ONECUT1: variants seen among roughly 807,000 people sequenced by gnomAD.
ONECUT1 encodes the protein one cut homeobox 1.
In ONECUT1, 12 loss-of-function variants were observed where a neutral mutation model predicts 25.6. The ratio of observed to expected loss-of-function variants is 0.47; its 90% CI spans 0.30 to 0.76. ONECUT1 has a LOEUF of 0.76. Ranked by LOEUF, ONECUT1 falls within the 30% of genes least tolerant of loss-of-function variation. The pLI, the probability that ONECUT1 is intolerant of heterozygous loss-of-function variation, is 0.07. For synonymous variants in ONECUT1, 285 were observed against 270.2 expected, an observed-to-expected ratio of 1.05 and a Z score of -0.54; for missense variants, 620 against 651.2, an observed-to-expected ratio of 0.95 and a Z score of 0.52.
chr15:52,789,566 T>G lies in ONECUT1; in HGVS notation c.319A>C (p.Thr107Pro), dbSNP rs2083904082. Residue 107 changes from threonine to proline, a missense_variant, in exon 1 of 2, where the codon ACC becomes CCC. Thr to Pro is a conservative substitution (Grantham distance 38). Coordinates refer to ENST00000305901, the MANE Select transcript of ONECUT1 (RefSeq NM_004498.4). This position sits in a 1 kb window ranked among gnomAD's most constrained non-coding sequence, Gnocchi z 4.1. ...ATGGGAGGCAGCGGCTGCAGAGGGGTCAAGGTGGTGTAGGTGGTGGGCATG... is the reference window on the plus strand; with the variant it reads ...ATGGGAGGCAGCGGCTGCAGAGGGGGCAAGGTGGTGTAGGTGGTGGGCATG... ...MSMPTTYTTL[T>P]PLQPLPPIST... is the part of the protein sequence containing the mutation. 6.3e-7 allele frequency: 1 copy of G among 1,590,710 alleles called. No homozygotes were observed. The highest frequency in any genetic ancestry group is 8.6e-7 in the Non-Finnish European group (1 of 1,167,248).
Position 52,757,180 on chromosome 15 carries a change from AC to A in ONECUT1, c.*374del, listed in dbSNP as rs2083677922. 2.4e-5 allele frequency: 5 copies of A among 210,104 alleles called. No homozygotes were observed. The South Asian group carries it at 3.3e-4, about 14-fold the overall frequency. The allele number at this position is 210,104 out of a possible 1,614,324, so 13.0% of individuals were successfully genotyped here. On this transcript the variant is annotated 3_prime_UTR_variant, in exon 2 of 2. Transcript: ENST00000305901. ...TGGTGGTAGTACTGAGACACCATAC[AC>A]CTTCGTGGCATGGTAGAACAGATGA...
chr15:52,789,747 G>A lies in ONECUT1; in HGVS notation c.138C>T (p.Pro46=). 1.4e-6 allele frequency: 2 copies of A among 1,410,932 alleles called. No homozygotes were observed. The highest frequency in any genetic ancestry group is 1.8e-6 in the Non-Finnish European group (2 of 1,093,134). 87.4% of individuals were successfully genotyped at this position (1,410,932 alleles called of 1,614,324 possible). The change falls in exon 1 of 2, where the codon CCC becomes CCT. Residue 46 remains proline (P), a synonymous_variant. Transcript: ENST00000305901. This position sits in a 1 kb window ranked among gnomAD's most constrained non-coding sequence, Gnocchi z 4.1. ...SSVAHRGSHL[P]PAHPRSMGMA... is the part of the protein sequence containing the mutation. ...TGCCCATGGAGCGCGGGTGCGCGGG[G>A]GGCAGGTGGCTGCCGCGGTGCGCCA...
chr15:52,788,167 T>C lies in ONECUT1; in HGVS notation c.1105+613A>G, dbSNP rs1326633238. 6.5e-6 allele frequency: 1 copy of C among 153,160 alleles called. No individual in the cohort carries two copies. Among genetic ancestry groups the C allele is most frequent in the African/African-American group, 2.4e-5 (1 of 41,424 alleles). 9.5% of individuals were successfully genotyped at this position (153,160 alleles called of 1,614,324 possible). Reference sequence around the variant, plus strand: ...CAGCCAATTCCATGCGCAGAGAGCGTCCTAACCCTTACAACTCGTCTGTGC... The same window carrying C: ...CAGCCAATTCCATGCGCAGAGAGCGCCCTAACCCTTACAACTCGTCTGTGC... On this transcript the variant is annotated intron_variant, in intron 1 of 1. Coordinates refer to ENST00000305901, the MANE Select transcript of ONECUT1 (RefSeq NM_004498.4). The surrounding 1 kb of genome is among the most constrained non-coding windows in gnomAD (Gnocchi z 4.3).
chr15:52,763,813 T>C (rs2083719276), intron 1 of ONECUT1, among the ~76,000 whole-genome samples: 1 of 152,192 alleles, frequency 6.6e-6, no homozygotes, highest in African/African-American at 2.4e-5. Context: ...TAAAAAATAT[T>C]GAGAATAAGC....
At chr15:52,785,449 G>T (rs939829297) in intron 1 of ONECUT1, among the ~76,000 whole-genome samples, 18 of 152,166 alleles carry the variant, frequency 1.2e-4, no homozygotes, top group Non-Finnish European at 2.2e-4. Context: ...AGGTTTCCTC[G>T]CCTCCAAGTC....
chr15:52,766,883 G>C (rs190281978), intron 1 of ONECUT1, among the ~76,000 whole-genome samples: 54 of 152,298 alleles, frequency 3.5e-4, no homozygotes, highest in African/African-American at 1.3e-3. Context: ...AGTCCTTCCT[G>C]AGTCAGTGAA....
chr15:52,781,581 C>T (rs2083841613), intron 1 of ONECUT1, among the ~76,000 whole-genome samples: 1 of 152,210 alleles, frequency 6.6e-6, no homozygotes, highest in Admixed American at 6.5e-5. Context: ...CTCAGGGCAT[C>T]ACTGTTTTCC....
Position 52,789,810 on chromosome 15 carries a change from G to A in ONECUT1, c.75C>T (p.Ala25=). ...CGTGGGGGCTGCCGCCCAGCAGGTC[G>A]GCAGGGGCGGGCACCGGCTCATGGC... ...GVSHEPVPAP[A]DLLGGSPHAR... The change falls in exon 1 of 2, where the codon GCC becomes GCT. Residue 25 remains alanine, a synonymous_variant. Transcript: ENST00000305901. The surrounding 1 kb of genome is among the most constrained non-coding windows in gnomAD (Gnocchi z 4.1). The A allele has an allele frequency of 1.3e-6, 2 of 1,514,796 alleles. No homozygotes were observed. The highest frequency in any genetic ancestry group is 2.1e-5 in the Admixed American group (1 of 46,908). The allele number at this position is 1,514,796 out of a possible 1,614,324, so 93.8% of individuals were successfully genotyped here. A position where few individuals can be genotyped will look rare whatever the true frequency, so the allele number is the denominator to read the frequency against.
intron 1 of ONECUT1, among the ~76,000 whole-genome samples, chr15:52,783,905 C>G (rs779540919): frequency 7.9e-5 from 12 of 152,340 alleles, no homozygotes; most frequent in South Asian, 4.1e-4. Context: ...TTAGGTACCC[C>G]GACAGACCCT....
intron 1 of ONECUT1, among the ~76,000 whole-genome samples, chr15:52,772,338 G>A (rs2083773289): frequency 6.6e-6 from 1 of 150,402 alleles, no homozygotes; most frequent in African/African-American, 2.5e-5. Context: ...AGGTTGCAGT[G>A]AGCCAAGATC....
intron 1 of ONECUT1, among the ~76,000 whole-genome samples, chr15:52,762,414 G>A (rs959073961): frequency 1.3e-5 from 2 of 152,220 alleles, no homozygotes; most frequent in Non-Finnish European, 2.9e-5. Flanking sequence ...TCTCAAATTT[G>A]TTTGACCCCA....
rs531452200 is a variant in ONECUT1, at chr15:52,785,432, G to A, written c.1105+3348C>T. Among the ~76,000 whole-genome samples the A allele has an allele frequency of 9.8e-5, 15 of 152,288 alleles. No homozygotes were observed. The South Asian group carries it at 2.9e-3, about 29-fold the overall frequency. ...GGGGGCGCCGCCAACTCCCCCGCGG[G>A]GTTTGGAGGTTTCCTCGCCTCCAAG... is the stretch of plus-strand genomic sequence containing the variant. On this transcript the variant is annotated intron_variant, in intron 1 of 1. Transcript: ENST00000305901.
Position 52,788,066 on chromosome 15 carries a change from G to C in ONECUT1, c.1105+714C>G, listed in dbSNP as rs1277882964. On this transcript the variant is annotated intron_variant, in intron 1 of 1. Coordinates refer to ENST00000305901, the MANE Select transcript of ONECUT1 (RefSeq NM_004498.4). This position sits in a 1 kb window ranked among gnomAD's most constrained non-coding sequence, Gnocchi z 4.3. ...AAGTCCTCAGGGAGTCGGCAGCGGA[G>C]TCGGTCCCAGGACATGGCTATTGCT... 1.3e-5 allele frequency: 2 copies of C among 152,250 alleles called. No homozygotes were observed. The highest frequency in any genetic ancestry group is 2.4e-5 in the African/African-American group (1 of 41,450). The allele number at this position is 152,250 out of a possible 1,614,324, so 9.4% of individuals were successfully genotyped here.
chr15:52,764,255 T>A (rs2083721675), intron 1 of ONECUT1, among the ~76,000 whole-genome samples: 1 of 152,202 alleles, frequency 6.6e-6, no homozygotes, highest in Non-Finnish European at 1.5e-5. Flanking sequence ...CCTGGACTCT[T>A]GAAGACACAA....
intron 1 of ONECUT1, among the ~76,000 whole-genome samples, chr15:52,760,731 T>A (rs1427161199): frequency 1.3e-5 from 2 of 151,948 alleles, no homozygotes; most frequent in Non-Finnish European, 2.9e-5. Context: ...GCTTCGTGCA[T>A]AGACAGAGTT....
At position 52,790,131 on chromosome 15, in the gene ONECUT1, CTTT is replaced by C; in HGVS notation, c.-250_-248del. On this transcript the variant is annotated 5_prime_UTR_variant, in exon 1 of 2. Coordinates refer to ENST00000305901, the MANE Select transcript of ONECUT1 (RefSeq NM_004498.4). The stretch of plus-strand genomic sequence containing the variant: ...CCCACCTTCCCCTCTGCGTCCTCGG[CTTT>C]TTTTTTTTTAATATTAATTTCCAAA... The C allele has an allele frequency of 1.6e-5, 6 of 383,208 alleles. No homozygotes were observed. Among genetic ancestry groups the C allele is most frequent in the Non-Finnish European group, 2.5e-5 (6 of 235,598 alleles). 23.7% of individuals were successfully genotyped at this position (383,208 alleles called of 1,614,324 possible). A position where few individuals can be genotyped will look rare whatever the true frequency, so the allele number is the denominator to read the frequency against.
At chr15:52,771,225 T>A (rs1351103708) in intron 1 of ONECUT1, among the ~76,000 whole-genome samples, 1 of 152,006 alleles carries the variant, frequency 6.6e-6, no homozygotes, top group Admixed American at 6.6e-5. Context: ...TATGACTACA[T>A]CCCCAGAATC....
intron 1 of ONECUT1, among the ~76,000 whole-genome samples, chr15:52,782,759 G>A (rs2083849504): frequency 6.6e-6 from 1 of 152,130 alleles, no homozygotes; most frequent in Non-Finnish European, 1.5e-5. Flanking sequence ...GGGACTGAAA[G>A]GAAACTAGTC....
intron 1 of ONECUT1, chr15:52,781,025 G>T: frequency 2.4e-6 from 1 of 418,438 alleles, no homozygotes; most frequent in East Asian, 1.3e-4. Context: ...TTTTAGTGCA[G>T]AGCCCTAAAA....
Sources: gnomAD v4.1 joint callset for allele counts (sites outside exome capture counted in the v4.1 genomes callset) on GRCh38, gnomAD v4.1.1 for gene constraint, Gnocchi (gnomAD v3.1) non-coding constraint, MANE v1.5 for transcripts, NCBI Gene and HGNC (gene_info 2026-07-23, HGNC 2026-07-21) for gene names.